The following PPM1D variants were observed in gnomAD, a reference collection of about 807,000 sequenced individuals.
PPM1D encodes protein phosphatase, Mg2+/Mn2+ dependent 1D.
Under a neutral mutation model 58.3 loss-of-function variants are expected in PPM1D, and 52 were observed. The ratio of observed to expected loss-of-function variants is 0.89; its 90% CI spans 0.71 to 1.12. PPM1D has a LOEUF of 1.12. Ranked by LOEUF, PPM1D falls within the 50% of genes most tolerant of loss-of-function variation. The pLI, the probability that PPM1D is intolerant of heterozygous loss-of-function variation, is 0.00. For synonymous variants in PPM1D, 278 were observed against 285.1 expected (o/e 0.98, Z 0.25); for missense variants, 564 against 777.2 (o/e 0.73, Z 3.26).
At chr17:60,624,155 T>G (rs1288999945) in intron 2 of PPM1D, among the ~76,000 whole-genome samples, 1 of 152,206 alleles carries the variant, frequency 6.6e-6, no homozygotes, top group Admixed American at 6.5e-5. Flanking sequence ...ACTGCAAACC[T>G]TTCCAGTTAT....
intron 1 of PPM1D, among the ~76,000 whole-genome samples, chr17:60,616,366 T>C (rs1191294817): frequency 5.9e-5 from 9 of 151,850 alleles, no homozygotes. Flanking sequence ...CCCAGCACTT[T>C]GGGAGGCCGA....
chr17:60,662,263 C>T (rs1014060736), intron 5 of PPM1D: 1 of 152,142 alleles, frequency 6.6e-6, no homozygotes, highest in Non-Finnish European at 1.5e-5. Context: ...TCCCAAAGTG[C>T]TGGGATTACA....
intron 4 of PPM1D, among the ~76,000 whole-genome samples, chr17:60,654,031 C>T (rs562367163): frequency 2.8e-4 from 42 of 152,040 alleles, no homozygotes; most frequent in Middle Eastern, 6.8e-3. Flanking sequence ...TTTCTCTTGC[C>T]TAATTGCTCT....
In PPM1D at chr17:60,664,281, C is replaced by T. The variant is rs2031582377; in HGVS notation, c.*729C>T. ...TAAAACAATTCCCTTCTTTTTCATC[C>T]CAGACCAATGGCATTATTAGGTCTT... On this transcript the variant is annotated 3_prime_UTR_variant, in exon 6 of 6. Transcript: ENST00000305921. 1 of 152,588 alleles carries T rather than the reference C, an allele frequency of 6.6e-6. No homozygotes were observed. Among genetic ancestry groups the T allele is most frequent in the Non-Finnish European group, 1.5e-5 (1 of 68,024 alleles). 9.5% of individuals were successfully genotyped at this position (152,588 alleles called of 1,614,324 possible). A position where few individuals can be genotyped will look rare whatever the true frequency, so the allele number is the denominator to read the frequency against.
intron 3 of PPM1D, among the ~76,000 whole-genome samples, chr17:60,637,306 A>G (rs2031043831): frequency 6.6e-6 from 1 of 151,796 alleles, no homozygotes; most frequent in Non-Finnish European, 1.5e-5. Context: ...GGGTTTCACC[A>G]TGTTGGTCAG....
chr17:60,663,142 G>A lies in PPM1D; in HGVS notation c.1408G>A (p.Asp470Asn), dbSNP rs377665493. The change falls in exon 6 of 6, where the codon GAT (aspartate) becomes AAT (asparagine). Residue 470 changes from aspartate (D) to asparagine (N), a missense_variant. Physicochemically the swap from Asp to Asn is conservative, Grantham distance 23. Around this residue, in one of 7 missense-constraint regions of PPM1D, gnomAD observed 261 missense variants for 270.1 expected, o/e 0.97. Coordinates refer to ENST00000305921, the MANE Select transcript of PPM1D (RefSeq NM_003620.4). ...NVQGVVIPSK[D>N]PEPLEENCAK... ...CCAAGGTGTAGTCATACCCTCAAAA[G>A]ATCCAGAACCACTTGAAGAAAATTG... 1.9e-6 allele frequency: 3 copies of A among 1,614,156 alleles called. No homozygotes were observed. Among genetic ancestry groups the A allele is most frequent in the Non-Finnish European group, 1.7e-6 (2 of 1,180,030 alleles).
intron 3 of PPM1D, among the ~76,000 whole-genome samples, chr17:60,635,475 A>G (rs2031005932): frequency 6.6e-6 from 1 of 152,126 alleles, no homozygotes; most frequent in Non-Finnish European, 1.5e-5. Context: ...TTGGCCTCCC[A>G]AAGTGCTGGG....
At chr17:60,645,697 T>A (rs1445902811) in intron 3 of PPM1D, among the ~76,000 whole-genome samples, 1 of 146,538 alleles carries the variant, frequency 6.8e-6, no homozygotes, top group Non-Finnish European at 1.5e-5. Context: ...TGTAGGTAGG[T>A]AGATAGGTAT....
At chr17:60,655,265 C>T (rs2143716021) in intron 4 of PPM1D, among the ~76,000 whole-genome samples, 1 of 152,034 alleles carries the variant, frequency 6.6e-6, no homozygotes, top group South Asian at 2.1e-4. Context: ...GGAATTTGAC[C>T]CTTTGCAATG....
intron 3 of PPM1D, among the ~76,000 whole-genome samples, chr17:60,642,352 A>ATTTTTTTTTTTTTTTTTT (rs760188816): frequency 8.0e-6 from 1 of 124,874 alleles, no homozygotes; most frequent in African/African-American, 3.1e-5. Flanking sequence ...AGAAGAATGG[A>ATTTTTTTTTTTTTTTTTT]TTTTTTTTTT....
Position 60,647,988 on chromosome 17 carries a change from A to C in PPM1D, c.923A>C (p.Tyr308Ser). 1 of 1,613,996 alleles carries C rather than the reference A, an allele frequency of 6.2e-7. No homozygotes were observed. The highest frequency in any genetic ancestry group is 1.1e-5 in the South Asian group (1 of 91,076). ...ACTCTTGACCCTCAGAAGCACAAGT[A>C]TATTATATTGGGGAGTGATGGACTT... is the stretch of plus-strand genomic sequence containing the variant. Reference protein sequence around the residue: ...VHTLDPQKHKYIILGSDGLWN... With the variant: ...VHTLDPQKHKSIILGSDGLWN... Residue 308 changes from tyrosine to serine, a missense_variant, in exon 4 of 6, where the codon TAT (tyrosine) becomes TCT (serine). Tyr to Ser is a moderately radical substitution (Grantham distance 144, BLOSUM62 -2). Coordinates refer to ENST00000305921, the MANE Select transcript of PPM1D (RefSeq NM_003620.4).
chr17:60,659,811 A>T (rs1022736126), intron 5 of PPM1D, among the ~76,000 whole-genome samples: 2 of 152,222 alleles, frequency 1.3e-5, no homozygotes, highest in Non-Finnish European at 2.9e-5. Context: ...GCTAACAGAT[A>T]CAATGTATTC....
rs150691693 is a variant in PPM1D, at chr17:60,631,306, C to T, written c.702-2547C>T. ...CTGCACTGCAGCCTGGGCAACAGAA[C>T]GACACCCTGTCTCAAAACCAAATGA... On this transcript the variant is annotated intron_variant, in intron 2 of 5. Coordinates refer to ENST00000305921, the MANE Select transcript of PPM1D (RefSeq NM_003620.4). Among the ~76,000 whole-genome samples, 433 of 152,004 alleles carry T rather than the reference C, an allele frequency of 2.8e-3. 2 individuals are homozygous for T. Among genetic ancestry groups the T allele is most frequent in the Admixed American group, 5.0e-3 (77 of 15,252 alleles).
intron 1 of PPM1D, among the ~76,000 whole-genome samples, chr17:60,609,267 G>T (rs1308115099): frequency 6.6e-6 from 1 of 151,320 alleles, no homozygotes. Context: ...CTAATTTTTT[G>T]TATTTTTAGT....
intron 1 of PPM1D, 123 bp from the exon 2 acceptor site, chr17:60,623,398 T>C: frequency 1.1e-6 from 1 of 925,622 alleles, no homozygotes; most frequent in Non-Finnish European, 1.6e-6. Context: ...ATATTTTTCT[T>C]AAATTGTTTC....
At chr17:60,628,240 G>A (rs1567969586) in intron 2 of PPM1D, among the ~76,000 whole-genome samples, 1 of 152,136 alleles carries the variant, frequency 6.6e-6, no homozygotes, top group Non-Finnish European at 1.5e-5. Flanking sequence ...GCAAAATTAA[G>A]TGGGAAGCAC....
At chr17:60,624,369 G>A (rs532261548) in intron 2 of PPM1D, among the ~76,000 whole-genome samples, 6 of 152,156 alleles carry the variant, frequency 3.9e-5, no homozygotes, top group African/African-American at 1.4e-4. Context: ...AAGTTGAGTA[G>A]AATCCAATGT....
chr17:60,646,525 CA>C (rs142989296), intron 3 of PPM1D, among the ~76,000 whole-genome samples: 2 of 152,160 alleles, frequency 1.3e-5, no homozygotes, highest in Non-Finnish European at 2.9e-5. Flanking sequence ...TCACAATAAA[CA>C]AAAGAGGCAG....
chr17:60,655,276 A>ATT (rs911143011), intron 4 of PPM1D, among the ~76,000 whole-genome samples: 1 of 151,488 alleles, frequency 6.6e-6, no homozygotes, highest in Non-Finnish European at 1.5e-5. Context: ...CTTTGCAATG[A>ATT]TTTTTTTTTG....
Sources: gnomAD v4.1 joint callset for allele counts (sites outside exome capture counted in the v4.1 genomes callset) on GRCh38, gnomAD v4.1.1 for gene constraint, gnomAD v4.1.1 regional missense constraint, MANE v1.5 for transcripts, NCBI Gene and HGNC (gene_info 2026-07-23, HGNC 2026-07-21) for gene names.